Variants in GPC5 observed in about 807,000 individuals in gnomAD.
GPC5 encodes glypican-5.
A neutral mutation model predicts 53.9 loss-of-function variants in GPC5; 47 were observed. The observed-to-expected ratio is 0.87, with a 90% CI of 0.69 to 1.11. GPC5 has a LOEUF of 1.11. Ranked by LOEUF, GPC5 falls within the 50% of genes most tolerant of loss-of-function variation. GPC5 has a pLI of 0.00. For synonymous variants in GPC5, 286 were observed against 263.3 expected, an observed-to-expected ratio of 1.09 and a Z score of -0.84; for missense variants, 748 against 713.1, an observed-to-expected ratio of 1.05 and a Z score of -0.56.
At chr13:92,260,340 C>G (rs867691374) in intron 7 of GPC5, among the ~76,000 whole-genome samples, 3 of 152,206 alleles carry the variant, frequency 2.0e-5, no homozygotes, top group African/African-American at 4.8e-5. Flanking sequence ...TTATCTAACT[C>G]TCTTTGGAAT....
intron 7 of GPC5, among the ~76,000 whole-genome samples, chr13:92,208,123 C>T (rs1202686577): frequency 1.3e-5 from 2 of 152,184 alleles, no homozygotes; most frequent in Non-Finnish European, 2.9e-5. Context: ...TGAGTGTTCA[C>T]TCATTTCATG....
At chr13:91,525,913 A>G (rs912184486) in intron 2 of GPC5, among the ~76,000 whole-genome samples, 1 of 152,236 alleles carries the variant, frequency 6.6e-6, no homozygotes, top group Non-Finnish European at 1.5e-5. Flanking sequence ...GGGGATCAGA[A>G]GTGGAACACT....
intron 7 of GPC5, among the ~76,000 whole-genome samples, chr13:92,326,851 T>C (rs2043255001): frequency 6.6e-6 from 1 of 152,186 alleles, no homozygotes; most frequent in African/African-American, 2.4e-5. Context: ...CACCAGGTCA[T>C]ACAACCATCT....
At chr13:92,802,211 A>G (rs891730294) in intron 7 of GPC5, among the ~76,000 whole-genome samples, 8 of 151,936 alleles carry the variant, frequency 5.3e-5, no homozygotes, top group Non-Finnish European at 1.0e-4. Context: ...ACAATTGCCT[A>G]CAGTATTCAA....
chr13:92,158,693 C>T (rs2041963539), intron 7 of GPC5, among the ~76,000 whole-genome samples: 1 of 151,198 alleles, frequency 6.6e-6, no homozygotes, highest in East Asian at 1.9e-4. Context: ...ACATCTCTTG[C>T]CCAATTGGTC....
At chr13:92,584,330 C>G (rs1438733326) in intron 7 of GPC5, among the ~76,000 whole-genome samples, 2 of 152,092 alleles carry the variant, frequency 1.3e-5, no homozygotes, top group African/African-American at 4.8e-5. Flanking sequence ...TGAGGAACTT[C>G]TTGGAAAATG....
At chr13:91,783,593 C>A (rs1160481978) in intron 5 of GPC5, among the ~76,000 whole-genome samples, 3 of 151,940 alleles carry the variant, frequency 2.0e-5, no homozygotes, top group Non-Finnish European at 4.4e-5. Context: ...GCCACCATGC[C>A]CGGCTAATTT....
At chr13:92,494,959 T>G (rs570935478) in intron 7 of GPC5, among the ~76,000 whole-genome samples, 60 of 152,344 alleles carry the variant, frequency 3.9e-4, no homozygotes, top group African/African-American at 1.4e-3. Context: ...TGTGAGATAC[T>G]TAAAATTTCT....
At chr13:91,954,324 T>A (rs1167949839) in intron 6 of GPC5, among the ~76,000 whole-genome samples, 2 of 152,212 alleles carry the variant, frequency 1.3e-5, no homozygotes, top group African/African-American at 2.4e-5. Flanking sequence ...GAATAATTAC[T>A]TCAGATCCTA....
intron 7 of GPC5, among the ~76,000 whole-genome samples, chr13:92,650,059 G>A (rs1232002150): frequency 1.3e-5 from 2 of 152,010 alleles, no homozygotes; most frequent in Non-Finnish European, 2.9e-5. Flanking sequence ...CTCATCATAA[G>A]TTCACCTGTA....
chr13:92,038,348 C>CTAGATAGA (rs76013713), intron 6 of GPC5, among the ~76,000 whole-genome samples: 10 of 139,282 alleles, frequency 7.2e-5, no homozygotes, highest in African/African-American at 2.4e-4. Context: ...ATGATCTATG[C>CTAGATAGA]TAGATAGATA....
At chr13:91,974,444 C>A (rs1175918147) in intron 6 of GPC5, among the ~76,000 whole-genome samples, 2 of 151,836 alleles carry the variant, frequency 1.3e-5, no homozygotes, top group African/African-American at 4.8e-5. Flanking sequence ...AATCAATGTA[C>A]AAAAATCACA....
chr13:91,992,633 T>C (rs2040467545), intron 6 of GPC5, among the ~76,000 whole-genome samples: 1 of 151,676 alleles, frequency 6.6e-6, no homozygotes, highest in Non-Finnish European at 1.5e-5. Context: ...AATTTTTGTA[T>C]TTTTAGTAGA....
chr13:91,749,917 TCTC>T (rs1334627577), intron 4 of GPC5, among the ~76,000 whole-genome samples: 5 of 152,120 alleles, frequency 3.3e-5, no homozygotes, highest in Non-Finnish European at 7.4e-5. Context: ...TTCAAGCAAT[TCTC>T]CTCCTCAGCC....
rs75820087 is a variant in GPC5, at chr13:92,176,253, C to T, written c.1561+31264C>T. On this transcript the variant is annotated intron_variant, in intron 7 of 7. Coordinates refer to ENST00000377067, the MANE Select transcript of GPC5 (RefSeq NM_004466.6). The stretch of plus-strand genomic sequence containing the variant: ...GGCACTGCTTATCCAGAGACTACAC[C>T]TTAAGGAGTTCTGTTGTATGCTAAG... Among the ~76,000 whole-genome samples, 1,016 of 152,284 alleles carry T rather than the reference C, an allele frequency of 6.7e-3. 13 individuals are homozygous for T. Among genetic ancestry groups the T allele is most frequent in the African/African-American group, 0.023 (964 of 41,562 alleles).
intron 7 of GPC5, among the ~76,000 whole-genome samples, chr13:92,156,418 G>A (rs7984409): frequency 0.077 from 11,713 of 152,040 alleles, 846 homozygotes; most frequent in African/African-American, 0.19. Context: ...AAATCCTGTG[G>A]GTTCTGTTGT....
At chr13:91,826,985 G>T (rs1389793311) in intron 5 of GPC5, among the ~76,000 whole-genome samples, 1 of 151,890 alleles carries the variant, frequency 6.6e-6, no homozygotes, top group Non-Finnish European at 1.5e-5. Context: ...TAGAAAAAAC[G>T]TAGTTAGACA....
chr13:91,431,757 C>T (rs1879470065), intron 1 of GPC5, among the ~76,000 whole-genome samples: 1 of 152,148 alleles, frequency 6.6e-6, no homozygotes, highest in Non-Finnish European at 1.5e-5. Context: ...GAGAGCTGTT[C>T]TCAGAGAAAA....
chr13:92,073,532 C>T (rs1051615930), intron 6 of GPC5, among the ~76,000 whole-genome samples: 3 of 152,098 alleles, frequency 2.0e-5, no homozygotes, highest in Non-Finnish European at 2.9e-5. Flanking sequence ...TCTAGTTCTT[C>T]GCAGTGTTCA....
Sources: gnomAD v4.1 joint callset for allele counts (sites outside exome capture counted in the v4.1 genomes callset) on GRCh38, gnomAD v4.1.1 for gene constraint, MANE v1.5 for transcripts, NCBI Gene and HGNC (gene_info 2026-07-23, HGNC 2026-07-21) for gene names.